Variants in UMAD1 observed in about 807,000 individuals in gnomAD.
The protein encoded by UMAD1 is UBAP1-MVB12-associated (UMA)-domain containing protein 1.
In UMAD1, 8 loss-of-function variants were observed where a neutral mutation model predicts 6.1. The observed-to-expected ratio is 1.30, with a 90% CI of 0.76 to 2.35. UMAD1 has a LOEUF of 2.35. Among genes scored for constraint, UMAD1 ranks in the 30% most tolerant of loss-of-function variants. The pLI, the probability that UMAD1 is intolerant of heterozygous loss-of-function variation, is 0.00. For synonymous variants in UMAD1, 56 were observed against 31.4 expected, an observed-to-expected ratio of 1.78 and a Z score of -2.61; for missense variants, 130 against 78.4, an observed-to-expected ratio of 1.66 and a Z score of -2.49.
At chr7:7,727,415 T>C (rs543850111) in intron 2 of UMAD1, among the ~76,000 whole-genome samples, 26 of 152,370 alleles carry the variant, frequency 1.7e-4, no homozygotes, top group African/African-American at 6.0e-4. Context: ...GGCATAATTA[T>C]GACCTTATTA....
At chr7:7,814,015 C>T (rs573844726) in intron 3 of UMAD1, among the ~76,000 whole-genome samples, 29 of 151,386 alleles carry the variant, frequency 1.9e-4, no homozygotes, top group Admixed American at 6.6e-4. Context: ...GACGGAGTCT[C>T]GCTCTGTTGC....
intron 3 of UMAD1, among the ~76,000 whole-genome samples, chr7:7,810,169 G>T (rs977665034): frequency 6.6e-6 from 1 of 151,544 alleles, no homozygotes; most frequent in East Asian, 1.9e-4. Flanking sequence ...AAAGCATCGG[G>T]GGGTTACAAA....
chr7:7,835,462 CTTTTTTTTTTTTTTTTTT>C (rs150411259), intron 3 of UMAD1, among the ~76,000 whole-genome samples: 4 of 33,684 alleles, frequency 1.2e-4, no homozygotes, highest in Non-Finnish European at 2.3e-4. Flanking sequence ...TGAAACAGCA[CTTTTTTTTTTTTTTTTTT>C]TTTTTTTTTT....
At chr7:7,827,145 A>ATGTGTGTG (rs1162912790) in intron 3 of UMAD1, among the ~76,000 whole-genome samples, 1 of 135,354 alleles carries the variant, frequency 7.4e-6, no homozygotes, top group African/African-American at 2.9e-5. Flanking sequence ...ATATATATAT[A>ATGTGTGTG]TATGTGTGTG....
intron 1 of UMAD1, among the ~76,000 whole-genome samples, chr7:7,662,311 C>T (rs1709706314): frequency 6.6e-6 from 1 of 152,104 alleles, no homozygotes; most frequent in South Asian, 2.1e-4. Context: ...CTTTCCAGGG[C>T]AGTGAATGGT....
intron 2 of UMAD1, among the ~76,000 whole-genome samples, chr7:7,786,580 A>G (rs1201068747): frequency 6.6e-6 from 1 of 152,144 alleles, no homozygotes; most frequent in Non-Finnish European, 1.5e-5. Flanking sequence ...ACCCCCCGTA[A>G]GCCTTGTTCA....
At chr7:7,729,595 T>C (rs902974177) in intron 2 of UMAD1, among the ~76,000 whole-genome samples, 2 of 152,176 alleles carry the variant, frequency 1.3e-5, no homozygotes, top group African/African-American at 4.8e-5. Context: ...CTACTCACTC[T>C]GGATTGTTCC....
intron 2 of UMAD1, among the ~76,000 whole-genome samples, chr7:7,753,187 A>G (rs1406662072): frequency 6.6e-6 from 1 of 152,164 alleles, no homozygotes; most frequent in East Asian, 1.9e-4. Context: ...AGTACATGAG[A>G]TGTTTTGATA....
At chr7:7,796,240 C>CTTTTT (rs1782675248) in intron 2 of UMAD1, among the ~76,000 whole-genome samples, 6 of 95,982 alleles carry the variant, frequency 6.3e-5, no homozygotes, top group African/African-American at 3.4e-4. Flanking sequence ...TTTCTATTTT[C>CTTTTT]TTTCTTTTTT....
At chr7:7,771,646 T>G (rs1226071026) in intron 2 of UMAD1, among the ~76,000 whole-genome samples, 2 of 152,348 alleles carry the variant, frequency 1.3e-5, no homozygotes, top group East Asian at 3.9e-4. Context: ...TGTTCTAAAC[T>G]AGATTATATT....
intron 3 of UMAD1, among the ~76,000 whole-genome samples, chr7:7,810,959 G>C (rs907204175): frequency 3.9e-5 from 6 of 152,146 alleles, no homozygotes; most frequent in Non-Finnish European, 8.8e-5. Flanking sequence ...TTCCAGCAGG[G>C]AGAAGAGTGA....
intron 2 of UMAD1, among the ~76,000 whole-genome samples, chr7:7,783,149 T>C (rs78479099): frequency 1.8e-3 from 276 of 152,290 alleles, no homozygotes; most frequent in African/African-American, 6.4e-3. Context: ...CTATCTAGGG[T>C]CTCATTTAAT....
chr7:7,793,704 G>GA (rs1563210930), intron 2 of UMAD1, among the ~76,000 whole-genome samples: 1 of 152,090 alleles, frequency 6.6e-6, no homozygotes, highest in East Asian at 1.9e-4. Context: ...AGGCAGCCAT[G>GA]AAAAAACATT....
At chr7:7,819,192 G>T (rs1783194347) in intron 3 of UMAD1, among the ~76,000 whole-genome samples, 1 of 152,108 alleles carries the variant, frequency 6.6e-6, no homozygotes, top group Admixed American at 6.6e-5. Context: ...GGGTAAATTT[G>T]TGTATGATTT....
Position 7,667,922 on chromosome 7 carries a change from A to G in UMAD1, c.-63-5387A>G, listed in dbSNP as rs28916011. On this transcript the variant is annotated intron_variant, in intron 1 of 3. Coordinates refer to ENST00000682710, the MANE Select transcript of UMAD1 (RefSeq NM_001302348.2). ...GGACCAATACTTAACCTAGTTTTTC[A>G]CTTCAGTTCTTTTTTGTTCATTTAA... Among the ~76,000 whole-genome samples, 1,236 of 152,036 alleles carry G rather than the reference A, an allele frequency of 8.1e-3. 10 individuals are homozygous for G. Among genetic ancestry groups the G allele is most frequent in the African/African-American group, 0.029 (1,186 of 41,486 alleles).
At chr7:7,857,796 C>CA (rs997343366) in intron 3 of UMAD1, among the ~76,000 whole-genome samples, 88 of 152,132 alleles carry the variant, frequency 5.8e-4, no homozygotes, top group Admixed American at 2.2e-3. Context: ...TTTCCCCCTC[C>CA]AAAAAAATGG....
chr7:7,653,454 T>C (rs1239356031), intron 1 of UMAD1, among the ~76,000 whole-genome samples: 1 of 152,212 alleles, frequency 6.6e-6, no homozygotes, highest in Non-Finnish European at 1.5e-5. Flanking sequence ...AGGATGCTAG[T>C]TAGCATCCTT....
intron 2 of UMAD1, among the ~76,000 whole-genome samples, chr7:7,717,406 G>A (rs1201462830): frequency 6.6e-6 from 1 of 152,156 alleles, no homozygotes; most frequent in Non-Finnish European, 1.5e-5. Context: ...CACTCCTTGT[G>A]TGTCCTCGTC....
chr7:7,733,248 T>A (rs551070785), intron 2 of UMAD1, among the ~76,000 whole-genome samples: 90 of 152,262 alleles, frequency 5.9e-4, no homozygotes, highest in Middle Eastern at 6.8e-3. Context: ...CAGAAAGACA[T>A]CAGTGGTCTT....
Sources: allele counts gnomAD v4.1 joint callset (sites outside exome capture counted in the v4.1 genomes callset), GRCh38; gene constraint gnomAD v4.1.1; transcripts MANE v1.5; gene names NCBI Gene and HGNC (gene_info 2026-07-23, HGNC 2026-07-21).